The following ZNF385D variants were observed in gnomAD, a reference collection of about 807,000 sequenced individuals.
ZNF385D encodes zinc finger protein 385D.
In ZNF385D, 15 loss-of-function variants were observed where a neutral mutation model predicts 35.8. That is an observed-to-expected ratio of 0.42 (90% CI 0.28 to 0.64). The LOEUF is 0.64. Among genes scored for constraint, ZNF385D ranks in the 30% least tolerant of loss-of-function variants. The pLI, the probability that ZNF385D is intolerant of heterozygous loss-of-function variation, is 0.23. For synonymous variants in ZNF385D, 212 were observed against 186.8 expected (o/e 1.13, Z -1.10); for missense variants, 474 against 494.6 (o/e 0.96, Z 0.39).
chr3:21,973,862 C>CA (rs1703428734), intron 3 of ZNF385D, among the ~76,000 whole-genome samples: 1 of 151,372 alleles, frequency 6.6e-6, no homozygotes, highest in African/African-American at 2.4e-5. Flanking sequence ...GGGAATAAAA[C>CA]AAAAAAGGTG....
intron 3 of ZNF385D, among the ~76,000 whole-genome samples, chr3:22,098,368 A>T (rs1279759065): frequency 1.3e-5 from 2 of 152,094 alleles, no homozygotes; most frequent in Admixed American, 6.6e-5. Flanking sequence ...CATTTAATGA[A>T]CACAATTTTT....
intron 2 of ZNF385D, among the ~76,000 whole-genome samples, chr3:21,636,317 T>C (rs1157246910): frequency 1.4e-5 from 2 of 143,924 alleles, no homozygotes; most frequent in Non-Finnish European, 3.0e-5. Flanking sequence ...TATATAGATA[T>C]AGATATATAG....
At position 22,340,659 on chromosome 3, in the gene ZNF385D, A is replaced by G. The variant is rs114044785; in HGVS notation, c.106+31791T>C. 7.8e-3 allele frequency among the ~76,000 whole-genome samples: 1,188 copies of G among 152,262 alleles called. 14 individuals carry two copies. The highest frequency in any genetic ancestry group is 0.027 in the South Asian group (128 of 4,820). Reference sequence around the variant, plus strand: ...AGACTCTGTCTCCAAAATAATAATAATAAGATGTGAATAGGACATAAGACA... The same window carrying G: ...AGACTCTGTCTCCAAAATAATAATAGTAAGATGTGAATAGGACATAAGACA... On this transcript the variant is annotated intron_variant, in intron 2 of 5. Coordinates refer to the ZNF385D transcript ENST00000494108.
intron 3 of ZNF385D, among the ~76,000 whole-genome samples, chr3:21,964,927 A>G (rs987360402): frequency 8.5e-5 from 13 of 152,208 alleles, no homozygotes; most frequent in African/African-American, 3.1e-4. Flanking sequence ...TGAACATAGG[A>G]AGATGCATAT....
chr3:21,480,709 C>T lies in ZNF385D; in HGVS notation c.439+30152G>A, dbSNP rs528207700. Among the ~76,000 whole-genome samples, 7 of 152,272 alleles carry T rather than the reference C, an allele frequency of 4.6e-5. No homozygotes were observed. The East Asian group carries it at 1.4e-3, about 29-fold the overall frequency. On this transcript the variant is annotated intron_variant, in intron 4 of 7. Transcript: ENST00000281523. ...GATTGACATTCGATATTCACTTGTT[C>T]TATTTTGTAAGCTCAGTCCATGAAT...
chr3:21,846,768 C>A (rs1189375003), intron 3 of ZNF385D, among the ~76,000 whole-genome samples: 1 of 151,968 alleles, frequency 6.6e-6, no homozygotes, highest in Non-Finnish European at 1.5e-5. Flanking sequence ...TTTCTAGCGG[C>A]TTAATGGTGC....
chr3:22,233,026 A>C (rs917392433), intron 2 of ZNF385D, among the ~76,000 whole-genome samples: 1 of 152,112 alleles, frequency 6.6e-6, no homozygotes, highest in Non-Finnish European at 1.5e-5. Flanking sequence ...ACTTCTATTT[A>C]ATGGTGGTTT....
intron 3 of ZNF385D, among the ~76,000 whole-genome samples, chr3:21,780,088 C>T (rs6773413): frequency 0.6 from 90,401 of 151,670 alleles, 28,198 homozygotes; most frequent in Non-Finnish European, 0.7. Flanking sequence ...CACACCCACA[C>T]AGAAACACAC....
intron 2 of ZNF385D, among the ~76,000 whole-genome samples, chr3:22,251,874 G>A (rs1330114452): frequency 6.6e-6 from 1 of 152,072 alleles, no homozygotes; most frequent in South Asian, 2.1e-4. Flanking sequence ...CACAGCCTTT[G>A]AAAGTTCAAT....
At chr3:21,879,614 C>T (rs530373512) in intron 3 of ZNF385D, among the ~76,000 whole-genome samples, 12 of 152,036 alleles carry the variant, frequency 7.9e-5, no homozygotes, top group African/African-American at 2.4e-4. Flanking sequence ...CTTTTCTCAC[C>T]GCTGTTGTAA....
intron 3 of ZNF385D, among the ~76,000 whole-genome samples, chr3:22,117,034 A>T (rs188917984): frequency 6.6e-6 from 1 of 151,792 alleles, no homozygotes; most frequent in Non-Finnish European, 1.5e-5. Context: ...CCAGGATGGT[A>T]TATCTGTTAG....
At chr3:22,089,829 T>C (rs1183950403) in intron 3 of ZNF385D, among the ~76,000 whole-genome samples, 2 of 152,120 alleles carry the variant, frequency 1.3e-5, no homozygotes, top group Admixed American at 1.3e-4. Context: ...ATTTTGTAAT[T>C]AACAATTTTT....
chr3:22,329,357 G>C (rs1694829270), intron 2 of ZNF385D, among the ~76,000 whole-genome samples: 1 of 151,874 alleles, frequency 6.6e-6, no homozygotes, highest in South Asian at 2.1e-4. Flanking sequence ...TCCATTTTCT[G>C]TGATCTCCAG....
chr3:21,800,267 A>G (rs935738641), intron 3 of ZNF385D, among the ~76,000 whole-genome samples: 2 of 152,152 alleles, frequency 1.3e-5, no homozygotes, highest in African/African-American at 4.8e-5. Context: ...CTATGTGTTC[A>G]TTTACACAAA....
intron 2 of ZNF385D, among the ~76,000 whole-genome samples, chr3:22,239,413 C>G (rs1220662951): frequency 1.3e-5 from 2 of 150,868 alleles, no homozygotes. Flanking sequence ...TGTCCTAAGC[C>G]AAAATCTGAA....
rs112624473 is a variant in ZNF385D at position 21,966,410 on chromosome 3, C to T, written c.325+202407G>A. ...AAGAGAAACTTTAGGCTGGTAAAGA[C>T]GCATTTGTGGCTTTCATTTTAATTA... On this transcript the variant is annotated intron_variant, in intron 3 of 5. Coordinates refer to the ZNF385D transcript ENST00000494108. Among the ~76,000 whole-genome samples the T allele has an allele frequency of 4.2e-3, 647 of 152,264 alleles. 4 individuals carry two copies. The highest frequency in any genetic ancestry group is 0.015 in the African/African-American group (604 of 41,554).
At chr3:21,701,766 A>G (rs1209436178) in intron 1 of ZNF385D, among the ~76,000 whole-genome samples, 1 of 152,112 alleles carries the variant, frequency 6.6e-6, no homozygotes, top group East Asian at 1.9e-4. Context: ...ACTGGCCAAA[A>G]CAAGGGATTA....
intron 3 of ZNF385D, among the ~76,000 whole-genome samples, chr3:21,549,818 CA>C (rs1204802403): frequency 6.6e-6 from 1 of 152,180 alleles, no homozygotes; most frequent in Non-Finnish European, 1.5e-5. Flanking sequence ...AGAGATGTTT[CA>C]AAGCTGCCTG....
At chr3:21,574,232 G>C (rs1047601090) in intron 2 of ZNF385D, among the ~76,000 whole-genome samples, 1 of 152,020 alleles carries the variant, frequency 6.6e-6, no homozygotes, top group Admixed American at 6.6e-5. Context: ...ACTTGAATGC[G>C]ATCAAGACTC....
Sources: gnomAD v4.1 joint callset for allele counts (sites outside exome capture counted in the v4.1 genomes callset) on GRCh38, gnomAD v4.1.1 for gene constraint, MANE v1.5 for transcripts, NCBI Gene and HGNC (gene_info 2026-07-23, HGNC 2026-07-21) for gene names.